Variants in DHX9 observed in about 807,000 individuals in gnomAD.
DHX9 encodes DExH-box helicase 9, also known as ATP-dependent RNA helicase A.
In DHX9, 27 loss-of-function variants were observed where a neutral mutation model predicts 148.7. That is an observed-to-expected ratio of 0.18 (90% confidence interval 0.13 to 0.25). DHX9 has a LOEUF of 0.25. Ranked by LOEUF, DHX9 falls within the 10% of genes least tolerant of loss-of-function variation. DHX9 has a pLI of 1.00. For missense variants in DHX9, 796 were observed against 1,559.6 expected (o/e 0.51, Z 8.25); for synonymous variants, 529 against 516.6 (o/e 1.02, Z -0.33).
At chr1:182,886,972 G>C in intron 27 of DHX9, 111 bp from the exon 28 acceptor site, 1 of 939,294 alleles carries the variant, frequency 1.1e-6, no homozygotes, top group Non-Finnish European at 1.6e-6. Context: ...TGTGCATTTG[G>C]CTTCATTCCC....
At chr1:182,849,992 C>CCCCCCCTT (rs1491331436) in intron 3 of DHX9, among the ~76,000 whole-genome samples, 1 of 106,982 alleles carries the variant, frequency 9.3e-6, no homozygotes, top group African/African-American at 3.1e-5. Flanking sequence ...ACCCCCCCCC[C>CCCCCCCTT]TTTTTTTTTT....
chr1:182,846,998 A>G (rs887393800), intron 3 of DHX9, among the ~76,000 whole-genome samples: 2 of 151,928 alleles, frequency 1.3e-5, no homozygotes, highest in African/African-American at 4.8e-5. Context: ...CCATTTTGCT[A>G]AGCCCACCCA....
chr1:182,884,333 G>A (rs1649224447), intron 26 of DHX9, among the ~76,000 whole-genome samples: 1 of 151,948 alleles, frequency 6.6e-6, no homozygotes. Context: ...ATTATATATT[G>A]CATATATTTT....
At chr1:182,855,537 A>G in intron 6 of DHX9, 1 of 985,424 alleles carries the variant, frequency 1.0e-6, no homozygotes, top group Non-Finnish European at 1.2e-6. Context: ...CACATGGGAA[A>G]CTATTGTAAA....
At chr1:182,875,526 G>A (rs1351303102) in intron 16 of DHX9, among the ~76,000 whole-genome samples, 1 of 152,184 alleles carries the variant, frequency 6.6e-6, no homozygotes, top group African/African-American at 2.4e-5. Context: ...GTGCTTGAGA[G>A]TTGGACGACG....
chr1:182,876,324 T>C, intron 17 of DHX9, 61 bp downstream of exon 17: 1 of 1,587,768 alleles, frequency 6.3e-7, no homozygotes, highest in Non-Finnish European at 8.6e-7. Flanking sequence ...GCTAGTGCCT[T>C]AGCCAGTATG....
intron 3 of DHX9, among the ~76,000 whole-genome samples, chr1:182,847,025 A>G (rs1668044505): frequency 6.6e-6 from 1 of 151,924 alleles, no homozygotes; most frequent in Non-Finnish European, 1.5e-5. Context: ...TTCAGACACT[A>G]CCTTTTTCAC....
At chr1:182,859,416 AGAAT>A (rs1668314824) in intron 11 of DHX9, among the ~76,000 whole-genome samples, 1 of 152,230 alleles carries the variant, frequency 6.6e-6, no homozygotes, top group African/African-American at 2.4e-5. Flanking sequence ...AATGTTAAAA[AGAAT>A]GCGTGTGCGA....
intron 1 of DHX9, chr1:182,839,921 G>C (rs1476730133): frequency 2.0e-5 from 3 of 152,404 alleles, no homozygotes; most frequent in Non-Finnish European, 4.4e-5. Flanking sequence ...GAGCGCCTTT[G>C]GCTAGTATAG....
intron 3 of DHX9, among the ~76,000 whole-genome samples, chr1:182,849,987 C>A (rs1668104569): frequency 6.8e-6 from 1 of 147,700 alleles, no homozygotes; most frequent in South Asian, 2.2e-4. Flanking sequence ...CACGTACCCC[C>A]CCCCCTTTTT....
chr1:182,857,442 C>T (rs981107542), intron 7 of DHX9, among the ~76,000 whole-genome samples: 2 of 152,218 alleles, frequency 1.3e-5, no homozygotes, highest in Admixed American at 6.5e-5. Context: ...TGGCCAGATC[C>T]AGCGTACTGC....
intron 3 of DHX9, among the ~76,000 whole-genome samples, chr1:182,845,056 T>C (rs186131603): frequency 3.4e-4 from 52 of 152,346 alleles, no homozygotes; most frequent in Admixed American, 1.2e-3. Context: ...AGAAATCTTA[T>C]TTCCTTCCAT....
At chr1:182,839,742 G>C (rs1667882014) in intron 1 of DHX9, 1 of 152,410 alleles carries the variant, frequency 6.6e-6, no homozygotes, top group African/African-American at 2.4e-5. Flanking sequence ...CCTCTGGCCT[G>C]CGTACGCCGG....
At chr1:182,839,696 C>T (rs554507412) in intron 1 of DHX9, 5 of 152,406 alleles carry the variant, frequency 3.3e-5, no homozygotes, top group East Asian at 1.9e-4. Flanking sequence ...CCCAGCGTTT[C>T]CCGCTGCTGC....
rs567830092 is a variant in DHX9 at position 182,859,018 on chromosome 1, A to G, written c.1063-22A>G. ...CTGAATTATGTGCTTTTGTTTGACT[A>G]TGTTGGCTTTTTGTTTTACAGGCTA... On this transcript the variant is annotated intron_variant, in intron 10 of 27. Transcript: ENST00000367549. 3.3e-4 allele frequency: 531 copies of G among 1,613,130 alleles called. 4 individuals are homozygous for G. The South Asian group carries it at 5.3e-3, about 16-fold the overall frequency.
chr1:182,849,409 TA>T (rs779697181), intron 3 of DHX9, among the ~76,000 whole-genome samples: 4 of 152,238 alleles, frequency 2.6e-5, no homozygotes, highest in South Asian at 2.1e-4. Flanking sequence ...ATTCTTTTTT[TA>T]AAAAAAGTAT....
rs1571309241 is a variant in DHX9 at position 182,863,196 on chromosome 1, C to G, written c.1332+3012C>G. 3.9e-5 allele frequency among the ~76,000 whole-genome samples: 6 copies of G among 152,004 alleles called. No individual in the cohort carries two copies. In the South Asian group the frequency reaches 1.2e-3, roughly 32 times the overall value. ...TTTTATTTTTAACATATTTAGTAATCCAAGTGTAACATAGTTAAAATAATA... is the reference window on the plus strand; with the variant it reads ...TTTTATTTTTAACATATTTAGTAATGCAAGTGTAACATAGTTAAAATAATA... On this transcript the variant is annotated intron_variant, in intron 12 of 27. Coordinates refer to ENST00000367549, the MANE Select transcript of DHX9 (RefSeq NM_001357.5).
At chr1:182,871,997 G>T (rs530223971) in intron 14 of DHX9, among the ~76,000 whole-genome samples, 62 of 152,158 alleles carry the variant, frequency 4.1e-4, no homozygotes, top group Non-Finnish European at 8.4e-4. Flanking sequence ...GTCGAGACAG[G>T]ATTTCTCCAT....
chr1:182,844,484 TGGG>T (rs1667990249), intron 3 of DHX9, among the ~76,000 whole-genome samples: 1 of 152,200 alleles, frequency 6.6e-6, no homozygotes, highest in Non-Finnish European at 1.5e-5. Flanking sequence ...GCTGGGACTG[TGGG>T]TGTGTGCCGC....
Sources: gnomAD v4.1 joint callset for allele counts (sites outside exome capture counted in the v4.1 genomes callset) on GRCh38, gnomAD v4.1.1 for gene constraint, MANE v1.5 for transcripts, NCBI Gene and HGNC (gene_info 2026-07-23, HGNC 2026-07-21) for gene names.